The following SGSM1 variants were observed in gnomAD, a reference collection of about 807,000 sequenced individuals.
SGSM1 encodes small G protein signaling modulator 1.
A neutral mutation model predicts 133.8 loss-of-function variants in SGSM1; 73 were observed. That is an observed-to-expected ratio of 0.55 (90% CI 0.45 to 0.66). The LOEUF is 0.66. Ranked by LOEUF, SGSM1 falls within the 30% of genes least tolerant of loss-of-function variation. SGSM1 has a pLI of 0.00. For missense variants in SGSM1, 1,213 were observed against 1,448.1 expected (o/e 0.84, Z 2.64); for synonymous variants, 563 against 573.0 (o/e 0.98, Z 0.25).
In SGSM1 at chr22:24,855,312, A is replaced by C. The variant is rs1413401107; in HGVS notation, c.551A>C (p.Lys184Thr). ...LVGPCALEYT[K>T]MKTADHFWTD... ...GGGCCCTGTGCCCTAGAGTACACCA[A>C]GATGAAGACTGCAGATCACTTCTGG... The change falls in exon 7 of 25, where the codon AAG (lysine) becomes ACG (threonine). Residue 184 changes from lysine to threonine, a missense_variant. Transcript: ENST00000400358. 6.8e-6 allele frequency: 11 copies of C among 1,612,512 alleles called. No individual in the cohort carries two copies. The highest frequency in any genetic ancestry group is 9.3e-6 in the Non-Finnish European group (11 of 1,179,268).
intron 2 of SGSM1, chr22:24,843,321 C>T (rs1929914704): frequency 6.5e-6 from 1 of 152,708 alleles, no homozygotes; most frequent in Non-Finnish European, 1.5e-5. Context: ...CCATGTGTTT[C>T]TGCAGAGAAG....
At chr22:24,884,956 T>G (rs1370156972) in intron 15 of SGSM1, among the ~76,000 whole-genome samples, 1 of 152,122 alleles carries the variant, frequency 6.6e-6, no homozygotes, top group Non-Finnish European at 1.5e-5. Flanking sequence ...TTAGATAATT[T>G]TTTTTTTTTT....
At position 24,898,884 on chromosome 22, in the gene SGSM1, G is replaced by A. The variant is rs139921146; in HGVS notation, c.2610+325G>A. 3.9e-3 allele frequency among the ~76,000 whole-genome samples: 595 copies of A among 151,998 alleles called. 6 individuals are homozygous for A. The highest frequency in any genetic ancestry group is 0.014 in the African/African-American group (560 of 41,456). The stretch of plus-strand genomic sequence containing the variant: ...CTACTAAAAGTACAAAAAATTAGCC[G>A]GGCGTGGTGGCAGGCACCTGTAGTA... On this transcript the variant is annotated intron_variant, in intron 19 of 24. Transcript: ENST00000400358.
intron 22 of SGSM1, 102 bp from the exon 23 acceptor site, chr22:24,917,556 C>T: frequency 2.8e-6 from 2 of 723,700 alleles, no homozygotes; most frequent in Non-Finnish European, 2.3e-6. Context: ...CTGTTAAGGA[C>T]CGTATGGTGT....
chr22:24,880,229 G>A (rs1269554251), intron 14 of SGSM1, among the ~76,000 whole-genome samples: 1 of 152,132 alleles, frequency 6.6e-6, no homozygotes, highest in East Asian at 1.9e-4. Context: ...CCACCTCCTG[G>A]GTTCACGCCA....
chr22:24,911,232 G>A (rs573453435), intron 21 of SGSM1, among the ~76,000 whole-genome samples: 1 of 151,432 alleles, frequency 6.6e-6, no homozygotes, highest in African/African-American at 2.4e-5. Flanking sequence ...ATGAGACCCT[G>A]TCTCAAAAAT....
rs571024556 is a variant in SGSM1, at chr22:24,827,318, G to A, written c.64-17579G>A. On this transcript the variant is annotated intron_variant, in intron 2 of 24. Coordinates refer to ENST00000400358, the MANE Select transcript of SGSM1 (RefSeq NM_001098497.3). ...CCCTGGGTTTCCCTGCCTGGAATTA[G>A]CACTCACTTGCCCTGAGTCCCTCCT... Among the ~76,000 whole-genome samples, 8 of 147,412 alleles carry A rather than the reference G, an allele frequency of 5.4e-5. No homozygotes were observed. The South Asian group carries it at 1.6e-3, about 29-fold the overall frequency.
At chr22:24,819,248 G>A (rs146732951) in intron 2 of SGSM1, among the ~76,000 whole-genome samples, 314 of 152,036 alleles carry the variant, frequency 2.1e-3, no homozygotes, top group African/African-American at 6.3e-3. Flanking sequence ...TGTTAGCCGC[G>A]AGTCACAAGT....
chr22:24,860,885 G>T (rs534986408), intron 9 of SGSM1, among the ~76,000 whole-genome samples: 1 of 110,846 alleles, frequency 9.0e-6, no homozygotes, highest in African/African-American at 3.7e-5. Context: ...GGGTGACAGA[G>T]CGAGACTGTC....
At chr22:24,875,709 C>G (rs992604213) in intron 12 of SGSM1, among the ~76,000 whole-genome samples, 1 of 151,614 alleles carries the variant, frequency 6.6e-6, no homozygotes, top group African/African-American at 2.4e-5. Flanking sequence ...CTAGGACTAC[C>G]AAGAGGCCAG....
At chr22:24,897,899 G>C (rs892131834) in intron 18 of SGSM1, 73 bp from the exon 19 acceptor site, 1 of 1,325,586 alleles carries the variant, frequency 7.5e-7, no homozygotes, top group Admixed American at 2.1e-5. Flanking sequence ...GTTGTTGGAT[G>C]TTTAGGTTGC....
At chr22:24,858,758 C>T (rs960374653) in intron 8 of SGSM1, among the ~76,000 whole-genome samples, 1 of 152,206 alleles carries the variant, frequency 6.6e-6, no homozygotes, top group Admixed American at 6.5e-5. Context: ...TCCCAGCCTT[C>T]CTATGGGCAC....
intron 5 of SGSM1, among the ~76,000 whole-genome samples, 182 bp from the exon 6 acceptor site, chr22:24,854,814 T>G (rs930343782): frequency 6.6e-6 from 1 of 152,142 alleles, no homozygotes; most frequent in Non-Finnish European, 1.5e-5. Flanking sequence ...AGACCTTATC[T>G]TAAAAAAAAG....
chr22:24,865,236 C>G (rs181812947), intron 9 of SGSM1, among the ~76,000 whole-genome samples: 1 of 152,312 alleles, frequency 6.6e-6, no homozygotes, highest in Non-Finnish European at 1.5e-5. Context: ...CAGAACCATT[C>G]TGCAGGTGTT....
chr22:24,899,648 A>G (rs938332629), intron 19 of SGSM1, among the ~76,000 whole-genome samples: 1 of 150,828 alleles, frequency 6.6e-6, no homozygotes, highest in Non-Finnish European at 1.5e-5. Context: ...TCAGCCTCCC[A>G]AGTAGAAGGA....
intron 14 of SGSM1, 101 bp downstream of exon 14, chr22:24,879,627 C>T: frequency 9.1e-7 from 1 of 1,101,320 alleles, no homozygotes; most frequent in East Asian, 2.6e-5. Context: ...GAGTTTGAAC[C>T]TCTCCTCCTC....
At position 24,927,446 on chromosome 22, in the gene SGSM1, A is replaced by G. The variant is rs753078495; in HGVS notation, c.*3172A>G. The G allele has an allele frequency of 6.6e-6, 1 of 152,216 alleles. No individual in the cohort carries two copies. Among genetic ancestry groups the G allele is most frequent in the Non-Finnish European group, 1.5e-5 (1 of 68,080 alleles). The allele number at this position is 152,216 out of a possible 1,614,324, so 9.4% of individuals were successfully genotyped here. On this transcript the variant is annotated 3_prime_UTR_variant, in exon 25 of 25. Coordinates refer to ENST00000400358, the MANE Select transcript of SGSM1 (RefSeq NM_001098497.3). ...TTCATAGGGTAGGGAAATAGACTGTACTTCCTGATGAGAATCTTTGGAAAG... is the reference window on the plus strand; with the variant it reads ...TTCATAGGGTAGGGAAATAGACTGTGCTTCCTGATGAGAATCTTTGGAAAG...
chr22:24,884,316 C>T (rs1441913910), intron 15 of SGSM1, 118 bp downstream of exon 15: 6 of 1,333,286 alleles, frequency 4.5e-6, no homozygotes, highest in Admixed American at 2.7e-5. Flanking sequence ...TTGGATTCTG[C>T]ATATGCAAAT....
chr22:24,806,290 C>G lies in SGSM1; in HGVS notation c.-36C>G, dbSNP rs1927375562. 7.1e-7 allele frequency: 1 copy of G among 1,418,436 alleles called. No individual in the cohort carries two copies. The highest frequency in any genetic ancestry group is 1.5e-5 in the African/African-American group (1 of 66,612). The allele number at this position is 1,418,436 out of a possible 1,614,324, so 87.9% of individuals were successfully genotyped here. On this transcript the variant is annotated 5_prime_UTR_variant, in exon 1 of 25. Coordinates refer to ENST00000400358, the MANE Select transcript of SGSM1 (RefSeq NM_001098497.3). ...GGAGCTACCGCCGCCACCGCCGCCA[C>G]CGCCTCCTGGGACTCGGAACGCAGC... is the stretch of plus-strand genomic sequence containing the variant.
Sources: allele counts gnomAD v4.1 joint callset (sites outside exome capture counted in the v4.1 genomes callset), GRCh38; gene constraint gnomAD v4.1.1; transcripts MANE v1.5; gene names NCBI Gene and HGNC (gene_info 2026-07-23, HGNC 2026-07-21).